Variants in TET3 observed in about 807,000 individuals in gnomAD.
TET3 encodes the protein methylcytosine dioxygenase TET3.
Under a neutral mutation model 141.4 loss-of-function variants are expected in TET3, and 19 were observed. The ratio of observed to expected loss-of-function variants is 0.13; its 90% CI spans 0.09 to 0.20. The LOEUF (loss-of-function observed/expected upper bound fraction) is 0.20. Ranked by LOEUF, TET3 falls within the 10% of genes least tolerant of loss-of-function variation. The pLI is 1.00. For missense variants in TET3, 1,874 were observed against 2,356.9 expected (o/e 0.80, Z 4.24); for synonymous variants, 1,043 against 980.9 (o/e 1.06, Z -1.18).
intron 8 of TET3, 72 bp from the exon 9 acceptor site, chr2:74,092,830 C>T: frequency 7.5e-7 from 1 of 1,340,496 alleles, no homozygotes; most frequent in Non-Finnish European, 1.0e-6. Flanking sequence ...TCAGGAATGC[C>T]AGTCCACTTC....
intron 2 of TET3, among the ~76,000 whole-genome samples, chr2:73,990,670 A>T (rs544004247): frequency 3.3e-4 from 50 of 152,378 alleles, no homozygotes; most frequent in African/African-American, 1.2e-3. Context: ...GATATATGTG[A>T]TGAGAATACT....
intron 1 of TET3, among the ~76,000 whole-genome samples, chr2:73,985,534 G>C (rs1474793459): frequency 3.4e-5 from 5 of 146,864 alleles, no homozygotes; most frequent in Non-Finnish European, 7.6e-5. Flanking sequence ...CGGCGGGCGC[G>C]GGCTGCCCAG....
At chr2:74,063,773 G>C (rs1688727181) in intron 4 of TET3, among the ~76,000 whole-genome samples, 1 of 151,754 alleles carries the variant, frequency 6.6e-6, no homozygotes, top group Non-Finnish European at 1.5e-5. Context: ...TAAGAGGGCA[G>C]ATCTGGCCTG....
At chr2:74,020,375 G>A (rs1685970405) in intron 3 of TET3, among the ~76,000 whole-genome samples, 1 of 152,146 alleles carries the variant, frequency 6.6e-6, no homozygotes, top group Admixed American at 6.5e-5. Flanking sequence ...TAGAGATGGG[G>A]TTTCACCATA....
At chr2:74,041,612 G>A (rs1687342103) in intron 3 of TET3, among the ~76,000 whole-genome samples, 1 of 152,182 alleles carries the variant, frequency 6.6e-6, no homozygotes, top group Admixed American at 6.5e-5. Context: ...CTGTTAAGGC[G>A]AAGTACTGTT....
In TET3 at chr2:74,046,528, C is replaced by T. The variant is rs1418278030; in HGVS notation, c.611C>T (p.Ser204Leu). 6.2e-6 allele frequency: 10 copies of T among 1,613,866 alleles called. No homozygotes were observed. The highest frequency in any genetic ancestry group is 1.1e-5 in the South Asian group (1 of 91,084). ...GATGCCCACGATCTGGTGGCCTTTT[C>T]GGCTGTGGCCGAAGCTGTGTCCTCT... Reference protein sequence around the residue: ...LEDAHDLVAFSAVAEAVSSYG... With the variant: ...LEDAHDLVAFLAVAEAVSSYG... Residue 204 changes from serine (S) to leucine (L), a missense_variant, in exon 4 of 12, where the codon TCG becomes TTG. Physicochemically the swap from Ser to Leu is moderately radical, Grantham distance 145. This residue lies in a region of TET3 where 366 missense variants were observed against 487.0 expected (regional missense o/e 0.75). Coordinates refer to ENST00000409262, the MANE Select transcript of TET3 (RefSeq NM_001287491.2). This position sits in a 1 kb window ranked among gnomAD's most constrained non-coding sequence, Gnocchi z 4.3.
intron 2 of TET3, chr2:73,993,390 G>C (rs1444088821): frequency 6.6e-6 from 1 of 152,240 alleles, no homozygotes; most frequent in East Asian, 1.9e-4. Flanking sequence ...CCCTACCCCA[G>C]ACCTGCTGAA....
chr2:74,099,547 AG>A lies in TET3; in HGVS notation c.3540del (p.Lys1180AsnfsTer2). 6.2e-7 allele frequency: 1 copy of A among 1,610,738 alleles called. No homozygotes were observed. Among genetic ancestry groups the A allele is most frequent in the Non-Finnish European group, 8.5e-7 (1 of 1,178,412 alleles). On this transcript the variant is annotated frameshift_variant, in exon 11 of 12. Coordinates refer to ENST00000409262, the MANE Select transcript of TET3 (RefSeq NM_001287491.2). LOFTEE classifies it high-confidence loss of function. Reference sequence around the variant, plus strand: ...GAGAAGAAGAAGATTCAGAAGGAGAAGCTGAGCACTCCGGAGAAGATCAAGC... The same window carrying A: ...GAGAAGAAGAAGATTCAGAAGGAGAACTGAGCACTCCGGAGAAGATCAAGC... ...AAEKKKIQKE[K>X]LSTPEKIKQE...
chr2:74,097,042 G>A (rs1012400688), intron 10 of TET3, among the ~76,000 whole-genome samples: 4 of 151,028 alleles, frequency 2.6e-5, no homozygotes, highest in Middle Eastern at 3.4e-3. Context: ...GCAGTGAGCC[G>A]TGTCACACCA....
chr2:73,994,161 G>A lies in TET3; in HGVS notation c.303+7455G>A, dbSNP rs1365555597. Among the ~76,000 whole-genome samples the A allele has an allele frequency of 2.0e-5, 3 of 152,260 alleles. No individual in the cohort carries two copies. The East Asian group carries it at 5.8e-4, about 29-fold the overall frequency. ...TTAAAAAAGAAATGTACGAACTCTGGCTTCCTAGCAGGTAGGAATAACTGA... is the reference window on the plus strand; with the variant it reads ...TTAAAAAAGAAATGTACGAACTCTGACTTCCTAGCAGGTAGGAATAACTGA... On this transcript the variant is annotated intron_variant, in intron 2 of 11. Transcript: ENST00000409262.
At chr2:74,019,071 A>AC (rs1004570769) in intron 3 of TET3, among the ~76,000 whole-genome samples, 6 of 151,550 alleles carry the variant, frequency 4.0e-5, no homozygotes, top group Admixed American at 6.6e-5. Flanking sequence ...ACATAGTGAG[A>AC]CCCCCCGCCA....
At chr2:74,015,596 C>T (rs1184277007) in intron 3 of TET3, among the ~76,000 whole-genome samples, 1 of 152,086 alleles carries the variant, frequency 6.6e-6, no homozygotes, top group Non-Finnish European at 1.5e-5. Flanking sequence ...TTGAATATTT[C>T]ATTTTATGGC....
At chr2:74,108,433 T>C (rs1691623225), downstream of TET3, among the ~76,000 whole-genome samples, 2 of 152,274 alleles carry the variant, frequency 1.3e-5, no homozygotes, top group Admixed American at 6.5e-5. Flanking sequence ...CTTTTTGTTT[T>C]CTTTCCCTTT....
chr2:74,103,993 G>C lies in TET3; in HGVS notation c.*1817G>C, dbSNP rs147146626. On this transcript the variant is annotated 3_prime_UTR_variant, in exon 12 of 12. Transcript: ENST00000409262. ...GTGCCTTGAGTAAGAGCTGAGAACC[G>C]GCCTGCTGGGTGTTTACTGTATCTG... 6.5e-6 allele frequency: 1 copy of C among 153,688 alleles called. No homozygotes were observed. The highest frequency in any genetic ancestry group is 1.5e-5 in the Non-Finnish European group (1 of 68,048). 9.5% of individuals were successfully genotyped at this position (153,688 alleles called of 1,614,324 possible).
chr2:74,097,485 T>G (rs893821842), intron 10 of TET3, among the ~76,000 whole-genome samples: 1 of 152,182 alleles, frequency 6.6e-6, no homozygotes, highest in African/African-American at 2.4e-5. Flanking sequence ...TGGTAAGACA[T>G]GCAGACCTGG....
Position 74,048,250 on chromosome 2 carries a change from G to C in TET3, c.2333G>C (p.Gly778Ala). ...ACCACCTGCTTCCATTCAGAGGAGG[G>C]AGGACAGGAGGCCACACCCACCAAG... ...LSTTCFHSEE[G>A]GQEATPTKAE... Residue 778 changes from glycine (G) to alanine (A), a missense_variant, in exon 4 of 12, where the codon GGA becomes GCA. By Grantham distance (60) the Gly-to-Ala change is moderately conservative. Around this residue, in one of 10 missense-constraint regions of TET3, gnomAD observed 83 missense variants for 107.0 expected, o/e 0.78. Transcript: ENST00000409262. The C allele has an allele frequency of 6.2e-7, 1 of 1,613,808 alleles. No individual in the cohort carries two copies. The highest frequency in any genetic ancestry group is 1.1e-5 in the South Asian group (1 of 91,054).
chr2:74,061,052 G>A (rs1688492690), intron 4 of TET3, among the ~76,000 whole-genome samples: 1 of 151,838 alleles, frequency 6.6e-6, no homozygotes, highest in Non-Finnish European at 1.5e-5. Flanking sequence ...ACGGGGTGGT[G>A]GCCGGGCAGA....
At chr2:74,082,012 C>T (rs938919349) in intron 6 of TET3, among the ~76,000 whole-genome samples, 1 of 151,536 alleles carries the variant, frequency 6.6e-6, no homozygotes, top group African/African-American at 2.4e-5. Flanking sequence ...GAGAACCCAT[C>T]AGAGAAAAGA....
At chr2:74,068,841 G>A (rs1018862550) in intron 4 of TET3, among the ~76,000 whole-genome samples, 2 of 152,124 alleles carry the variant, frequency 1.3e-5, no homozygotes, top group African/African-American at 2.4e-5. Flanking sequence ...AGAACCATTG[G>A]TATCTTTTTT....
Sources: allele counts gnomAD v4.1 joint callset (sites outside exome capture counted in the v4.1 genomes callset), GRCh38; gene constraint gnomAD v4.1.1; regional missense constraint gnomAD v4.1.1; non-coding constraint Gnocchi (gnomAD v3.1); transcripts MANE v1.5; gene names NCBI Gene and HGNC (gene_info 2026-07-23, HGNC 2026-07-21).